PALLD: variants seen among roughly 807,000 people sequenced by gnomAD.
The protein encoded by PALLD is palladin.
In PALLD, 61 loss-of-function variants were observed where a neutral mutation model predicts 123.5. The observed-to-expected ratio is 0.49, with a 90% CI of 0.40 to 0.61. The LOEUF (loss-of-function observed/expected upper bound fraction) is 0.61. Among genes scored for constraint, PALLD ranks in the 20% least tolerant of loss-of-function variants. PALLD has a pLI of 0.00. For missense variants in PALLD, 1,273 were observed against 1,377.0 expected (o/e 0.92, Z 1.20); for synonymous variants, 465 against 496.4 (o/e 0.94, Z 0.84).
intron 10 of PALLD, among the ~76,000 whole-genome samples, chr4:168,820,019 C>T (rs1398789496): frequency 6.6e-6 from 1 of 152,220 alleles, no homozygotes; most frequent in African/African-American, 2.4e-5. Flanking sequence ...TGCCTTCTTG[C>T]CCCTCTCCTG....
chr4:168,778,900 G>T (rs1263748571), intron 10 of PALLD, among the ~76,000 whole-genome samples: 1 of 152,150 alleles, frequency 6.6e-6, no homozygotes, highest in African/African-American at 2.4e-5. Flanking sequence ...GCCTCAAGCA[G>T]TCCTCTTGCT....
At position 168,927,225 on chromosome 4, in the gene PALLD, A is replaced by G. The variant is rs1762680574; in HGVS notation, c.*1045A>G. The G allele has an allele frequency of 4.3e-6, 1 of 231,256 alleles. No homozygotes were observed. The allele number at this position is 231,256 out of a possible 1,614,324, so 14.3% of individuals were successfully genotyped here. A position where few individuals can be genotyped will look rare whatever the true frequency, so the allele number is the denominator to read the frequency against. ...TTGGAAGGAGTAGGGAGGAGAATGA[A>G]GGAAAATGCAACCAGCATGATTATA... is the stretch of plus-strand genomic sequence containing the variant. On this transcript the variant is annotated 3_prime_UTR_variant, in exon 22 of 22. Transcript: ENST00000505667.
intron 14 of PALLD, among the ~76,000 whole-genome samples, chr4:168,901,804 G>A (rs1055183047): frequency 6.6e-6 from 1 of 152,146 alleles, no homozygotes; most frequent in African/African-American, 2.4e-5. Context: ...ATTGCAGTGA[G>A]CCAAGATCAC....
chr4:168,828,730 C>T (rs1307077699), intron 10 of PALLD, among the ~76,000 whole-genome samples: 2 of 152,240 alleles, frequency 1.3e-5, no homozygotes, highest in African/African-American at 4.8e-5. Context: ...CCCAATGTTT[C>T]ATCTCAAAGT....
intron 2 of PALLD, among the ~76,000 whole-genome samples, chr4:168,545,140 C>T (rs988093874): frequency 6.6e-6 from 1 of 152,164 alleles, no homozygotes. Flanking sequence ...TTTTCATCCT[C>T]TCTGGTTTCC....
chr4:168,686,288 A>G (rs1003121902), intron 6 of PALLD, among the ~76,000 whole-genome samples: 1 of 152,050 alleles, frequency 6.6e-6, no homozygotes, highest in African/African-American at 2.4e-5. Context: ...TACACGTGCC[A>G]TGGTGGTTTG....
intron 3 of PALLD, among the ~76,000 whole-genome samples, chr4:168,676,847 G>A (rs1009435448): frequency 1.3e-5 from 2 of 151,918 alleles, no homozygotes; most frequent in African/African-American, 4.8e-5. Context: ...CCAAAGTGCT[G>A]GGATTACAGG....
chr4:168,800,377 CA>C (rs1470866812), intron 10 of PALLD, among the ~76,000 whole-genome samples: 3 of 151,852 alleles, frequency 2.0e-5, no homozygotes, highest in Non-Finnish European at 4.4e-5. Context: ...ATGTGGGTTA[CA>C]AATGGAATAA....
chr4:168,926,744 C>CTGAT lies in PALLD; in HGVS notation c.*565_*568dup, dbSNP rs777813815. 2 of 260,902 alleles carry CTGAT rather than the reference C, an allele frequency of 7.7e-6. No homozygotes were observed. The highest frequency in any genetic ancestry group is 2.2e-5 in the African/African-American group (1 of 45,672). The allele number at this position is 260,902 out of a possible 1,614,324, so 16.2% of individuals were successfully genotyped here. A position where few individuals can be genotyped will look rare whatever the true frequency, so the allele number is the denominator to read the frequency against. On this transcript the variant is annotated 3_prime_UTR_variant, in exon 22 of 22. Coordinates refer to ENST00000505667, the MANE Select transcript of PALLD (RefSeq NM_001166108.2). ...ACACAAGATATAGGTGCTGTGTAGC[C>CTGAT]TGATAGTGTGAAATGTTTAATGAGG...
chr4:168,754,002 T>C (rs924976455), intron 10 of PALLD, among the ~76,000 whole-genome samples: 1 of 152,210 alleles, frequency 6.6e-6, no homozygotes, highest in Non-Finnish European at 1.5e-5. Context: ...AGGTATGCAA[T>C]AGTATACAAT....
chr4:168,883,088 CAAAAA>C (rs34847342), intron 10 of PALLD, among the ~76,000 whole-genome samples: 1 of 124,608 alleles, frequency 8.0e-6, no homozygotes. Context: ...AACTCTGTCT[CAAAAA>C]AAAAAAAAAA....
intron 10 of PALLD, among the ~76,000 whole-genome samples, chr4:168,816,415 T>TATATATATATATA (rs35097396): frequency 5.4e-4 from 73 of 136,270 alleles, no homozygotes; most frequent in African/African-American, 1.2e-3. Flanking sequence ...ATATATATAT[T>TATATATATATATA]TTTTTTAAGT....
chr4:168,834,296 A>G (rs1039485544), intron 10 of PALLD, among the ~76,000 whole-genome samples: 3 of 152,150 alleles, frequency 2.0e-5, no homozygotes, highest in African/African-American at 7.2e-5. Context: ...GCTTTAAATA[A>G]TGTAATAACG....
intron 17 of PALLD, among the ~76,000 whole-genome samples, chr4:168,916,461 A>C (rs1207772734): frequency 2.2e-5 from 3 of 137,662 alleles, no homozygotes; most frequent in Non-Finnish European, 3.2e-5. Flanking sequence ...AATACGTCGG[A>C]TATTTATATA....
intron 3 of PALLD, among the ~76,000 whole-genome samples, chr4:168,669,799 TGCAC>T (rs1019126618): frequency 8.1e-6 from 1 of 122,850 alleles, no homozygotes; most frequent in African/African-American, 3.8e-5. Context: ...ACTTACAAAA[TGCAC>T]ACACACACAC....
chr4:168,557,719 T>C (rs1767464120), intron 2 of PALLD, among the ~76,000 whole-genome samples: 1 of 152,166 alleles, frequency 6.6e-6, no homozygotes, highest in Admixed American at 6.5e-5. Flanking sequence ...ACGGTCTCCT[T>C]CAGTAGTAAG....
chr4:168,841,738 G>C (rs1442232074), intron 10 of PALLD, among the ~76,000 whole-genome samples: 1 of 152,102 alleles, frequency 6.6e-6, no homozygotes, highest in Admixed American at 6.5e-5. Flanking sequence ...TTTTGATTTT[G>C]TCTACTTATT....
chr4:168,545,452 C>T (rs1328799712), intron 2 of PALLD, among the ~76,000 whole-genome samples: 1 of 151,996 alleles, frequency 6.6e-6, no homozygotes, highest in Non-Finnish European at 1.5e-5. Flanking sequence ...TCACTTGAAC[C>T]CAGGAGGCGG....
At chr4:168,521,076 G>A (rs533213893) in intron 2 of PALLD, among the ~76,000 whole-genome samples, 1 of 152,150 alleles carries the variant, frequency 6.6e-6, no homozygotes, top group Admixed American at 6.5e-5. Flanking sequence ...CTTTTGCTTT[G>A]AATTTGTGGT....
Sources: gnomAD v4.1 joint callset for allele counts (sites outside exome capture counted in the v4.1 genomes callset) on GRCh38, gnomAD v4.1.1 for gene constraint, MANE v1.5 for transcripts, NCBI Gene and HGNC (gene_info 2026-07-23, HGNC 2026-07-21) for gene names.